PEX5L: variants seen among roughly 807,000 people sequenced by gnomAD.
PEX5L encodes peroxisomal biogenesis factor 5 like.
In PEX5L, 30 loss-of-function variants were observed where a neutral mutation model predicts 84.0. The observed-to-expected ratio is 0.36, with a 90% CI of 0.27 to 0.48. The LOEUF is 0.48. Ranked by LOEUF, PEX5L falls within the 20% of genes least tolerant of loss-of-function variation. The pLI, the probability that PEX5L is intolerant of heterozygous loss-of-function variation, is 0.99. For missense variants in PEX5L, 533 were observed against 754.6 expected, an observed-to-expected ratio of 0.71 and a Z score of 3.44; for synonymous variants, 270 against 283.1, an observed-to-expected ratio of 0.95 and a Z score of 0.46.
intron 4 of PEX5L, 78 bp downstream of exon 4, chr3:179,887,595 G>C: frequency 1.1e-6 from 1 of 905,608 alleles, no homozygotes; most frequent in Non-Finnish European, 1.8e-6. Context: ...CACTTAAAAT[G>C]TATTATGGAA....
intron 1 of PEX5L, among the ~76,000 whole-genome samples, chr3:180,008,090 C>T (rs1789092474): frequency 6.6e-6 from 1 of 152,202 alleles, no homozygotes; most frequent in Non-Finnish European, 1.5e-5. Flanking sequence ...AACTTTTATG[C>T]TTGGCTTCCC....
intron 4 of PEX5L, among the ~76,000 whole-genome samples, chr3:179,880,471 C>T (rs940958619): frequency 1.3e-5 from 2 of 152,118 alleles, no homozygotes; most frequent in Non-Finnish European, 2.9e-5. Context: ...TGCAATTTCC[C>T]AGAGAGGAGT....
At chr3:179,994,820 T>C (rs1451222748) in intron 1 of PEX5L, among the ~76,000 whole-genome samples, 1 of 152,068 alleles carries the variant, frequency 6.6e-6, no homozygotes, top group Non-Finnish European at 1.5e-5. Flanking sequence ...GAAAAGACTA[T>C]ACTGGCTTAG....
intron 1 of PEX5L, among the ~76,000 whole-genome samples, chr3:179,982,650 C>A (rs1786438033): frequency 6.6e-6 from 1 of 152,058 alleles, no homozygotes; most frequent in Non-Finnish European, 1.5e-5. Context: ...TGATTAATAT[C>A]CCACAGTGAA....
chr3:179,905,434 G>A (rs1158656439), intron 2 of PEX5L, among the ~76,000 whole-genome samples: 2 of 152,056 alleles, frequency 1.3e-5, no homozygotes, highest in African/African-American at 4.8e-5. Flanking sequence ...CACCACGCCC[G>A]GCTAATTTTT....
chr3:179,821,587 A>T (rs1728541843), intron 8 of PEX5L, among the ~76,000 whole-genome samples: 1 of 152,218 alleles, frequency 6.6e-6, no homozygotes, highest in African/African-American at 2.4e-5. Flanking sequence ...CAGAATTCTC[A>T]TTCCTCTCAC....
chr3:179,983,125 A>G (rs12495455), intron 1 of PEX5L, among the ~76,000 whole-genome samples: 24,147 of 151,968 alleles, frequency 0.16, 2,251 homozygotes, highest in Admixed American at 0.24. Flanking sequence ...ATTTTTATAC[A>G]TAGATACATG....
At chr3:179,825,495 G>A (rs1201575720) in intron 8 of PEX5L, among the ~76,000 whole-genome samples, 2 of 152,080 alleles carry the variant, frequency 1.3e-5, no homozygotes, top group African/African-American at 4.8e-5. Context: ...TGAGCCAAAC[G>A]GGAAGGCTCA....
chr3:179,854,293 A>G (rs1183491420), intron 8 of PEX5L, among the ~76,000 whole-genome samples: 1 of 151,922 alleles, frequency 6.6e-6, no homozygotes. Flanking sequence ...TACAAACAAT[A>G]CATGTTCATG....
chr3:179,972,819 T>G (rs1785100026), intron 1 of PEX5L, among the ~76,000 whole-genome samples: 1 of 152,112 alleles, frequency 6.6e-6, no homozygotes, highest in Non-Finnish European at 1.5e-5. Context: ...TTTGTGGGTT[T>G]TTTTTTTACT....
chr3:180,023,487 T>G (rs1326858346), intron 1 of PEX5L, among the ~76,000 whole-genome samples: 1 of 152,116 alleles, frequency 6.6e-6, no homozygotes, highest in Non-Finnish European at 1.5e-5. Context: ...ATATCAAGCT[T>G]CTCGATGTTA....
intron 7 of PEX5L, among the ~76,000 whole-genome samples, chr3:179,864,662 C>T (rs989411831): frequency 1.3e-5 from 2 of 151,832 alleles, no homozygotes; most frequent in East Asian, 1.9e-4. Context: ...TTTTGAAACT[C>T]GGTAAGAAAT....
chr3:179,855,891 T>C (rs547752152), intron 8 of PEX5L, among the ~76,000 whole-genome samples: 126 of 152,342 alleles, frequency 8.3e-4, no homozygotes, highest in African/African-American at 3.0e-3. Context: ...AGCAATACAT[T>C]TCTACTACTT....
At chr3:179,914,551 C>T (rs1221247630) in intron 2 of PEX5L, among the ~76,000 whole-genome samples, 4 of 152,070 alleles carry the variant, frequency 2.6e-5, no homozygotes, top group Non-Finnish European at 5.9e-5. Flanking sequence ...GTCATGTGGG[C>T]ACAAAGGTGT....
At chr3:179,926,775 A>G (rs1463145628) in intron 2 of PEX5L, among the ~76,000 whole-genome samples, 3 of 152,340 alleles carry the variant, frequency 2.0e-5, no homozygotes, top group African/African-American at 7.2e-5. Flanking sequence ...TTCAACAAAT[A>G]TCTGTGAAAT....
rs531790777 is a variant in PEX5L at position 179,953,709 on chromosome 3, C to T, written c.93+17885G>A. Among the ~76,000 whole-genome samples, 153 of 152,156 alleles carry T rather than the reference C, an allele frequency of 1.0e-3. 2 individuals are homozygous for T. The highest frequency in any genetic ancestry group is 1.3e-3 in the Admixed American group (20 of 15,266). ...GATGGAAAGACTGTTAAGTCTGGGG[C>T]CTCACTATGACTCAGGATGGAAATG... On this transcript the variant is annotated intron_variant, in intron 2 of 14. Transcript: ENST00000467460.
At chr3:179,888,850 G>A (rs937725346) in intron 3 of PEX5L, among the ~76,000 whole-genome samples, 7 of 151,868 alleles carry the variant, frequency 4.6e-5, no homozygotes, top group East Asian at 1.9e-4. Flanking sequence ...CCGCATCCTC[G>A]AACTCCTGGG....
chr3:179,830,631 C>G (rs963348525), intron 8 of PEX5L, among the ~76,000 whole-genome samples: 2 of 152,156 alleles, frequency 1.3e-5, no homozygotes, highest in African/African-American at 4.8e-5. Context: ...AAAATCATCC[C>G]ATATTTTCCT....
chr3:179,815,240 G>A lies in PEX5L; in HGVS notation c.1083+621C>T, dbSNP rs139095430. ...GGGTGATGTACAGTGTGACACAAGA[G>A]CCAGACATCACTATATACTGTCCCT... On this transcript the variant is annotated intron_variant, in intron 10 of 14. Coordinates refer to ENST00000467460, the MANE Select transcript of PEX5L (RefSeq NM_016559.3). Among the ~76,000 whole-genome samples, 29 of 152,338 alleles carry A rather than the reference G, an allele frequency of 1.9e-4. 2 individuals carry two copies. In the East Asian group the frequency reaches 5.2e-3, roughly 27 times the overall value.
Sources: allele counts gnomAD v4.1 joint callset (sites outside exome capture counted in the v4.1 genomes callset), GRCh38; gene constraint gnomAD v4.1.1; transcripts MANE v1.5; gene names NCBI Gene and HGNC (gene_info 2026-07-23, HGNC 2026-07-21).